The following PHACTR1 variants were observed in gnomAD, a reference collection of about 807,000 sequenced individuals.
PHACTR1 encodes phosphatase and actin regulator 1.
Under a neutral mutation model 69.2 loss-of-function variants are expected in PHACTR1, and 16 were observed. The ratio of observed to expected loss-of-function variants is 0.23; its 90% CI spans 0.16 to 0.35. The LOEUF (loss-of-function observed/expected upper bound fraction) is 0.35, where lower values mean the gene tolerates loss of function less well. PHACTR1 is among the 10% of genes least tolerant of loss of function. PHACTR1 has a pLI of 1.00. For synonymous variants in PHACTR1, 312 were observed against 284.5 expected (o/e 1.10, Z -0.97); for missense variants, 510 against 734.7 (o/e 0.69, Z 3.54).
At chr6:12,718,372 C>A (rs930149603) in intron 2 of PHACTR1, 4 of 153,072 alleles carry the variant, frequency 2.6e-5, no homozygotes, top group African/African-American at 7.2e-5. Context: ...TCAAATAGAC[C>A]TTTTGAAAAC....
intron 4 of PHACTR1, among the ~76,000 whole-genome samples, chr6:12,930,654 G>A (rs1788767385): frequency 6.6e-6 from 1 of 152,116 alleles, no homozygotes; most frequent in Admixed American, 6.6e-5. Context: ...AAGGCCAGTT[G>A]GCAAGTAATT....
intron 4 of PHACTR1, among the ~76,000 whole-genome samples, chr6:12,830,984 G>A (rs564311811): frequency 2.7e-4 from 41 of 152,248 alleles, no homozygotes; most frequent in East Asian, 9.7e-4. Context: ...GCGTAGTGGC[G>A]AAGTCTTGGC....
At position 13,143,237 on chromosome 6, in the gene PHACTR1, A is replaced by G. The variant is rs550975424; in HGVS notation, c.416-16967A>G. ...CATTTGCTAGCACAACAGGGTGACT[A>G]TAGTCAATAATAATTTAATCTTACA... is the stretch of plus-strand genomic sequence containing the variant. On this transcript the variant is annotated intron_variant, in intron 5 of 14. Transcript: ENST00000332995. Among the ~76,000 whole-genome samples the G allele has an allele frequency of 7.2e-5, 11 of 152,342 alleles. No homozygotes were observed. The East Asian group carries it at 1.7e-3, about 24-fold the overall frequency.
chr6:13,170,343 T>G (rs879133764), intron 6 of PHACTR1, among the ~76,000 whole-genome samples: 1 of 152,198 alleles, frequency 6.6e-6, no homozygotes, highest in Non-Finnish European at 1.5e-5. Context: ...AAATTCATAT[T>G]GGAATATCCA....
At chr6:13,123,478 G>T (rs1819057466) in intron 5 of PHACTR1, among the ~76,000 whole-genome samples, 2 of 152,132 alleles carry the variant, frequency 1.3e-5, no homozygotes, top group African/African-American at 4.8e-5. Flanking sequence ...GCTTATAATG[G>T]GTGTGTATAT....
chr6:12,790,161 T>C lies in PHACTR1; in HGVS notation c.250+40371T>C, dbSNP rs1212218562. Among the ~76,000 whole-genome samples the C allele has an allele frequency of 4.6e-5, 7 of 152,290 alleles. No individual in the cohort carries two copies. The South Asian group carries it at 1.5e-3, about 32-fold the overall frequency. On this transcript the variant is annotated intron_variant, in intron 4 of 14. Transcript: ENST00000332995. ...TGAAAGGCAGGTCATATCATTCCTC[T>C]GTGAAAAACCCCTTGGTCAATTCCT...
chr6:12,778,606 A>C (rs1770390804), intron 4 of PHACTR1, among the ~76,000 whole-genome samples: 1 of 152,256 alleles, frequency 6.6e-6, no homozygotes, highest in Non-Finnish European at 1.5e-5. Flanking sequence ...TAAAGGTATT[A>C]TAAATCAAAT....
intron 5 of PHACTR1, among the ~76,000 whole-genome samples, chr6:13,064,609 TATATCTATCTATC>T: frequency 2.3e-4 from 2 of 8,628 alleles, no homozygotes; most frequent in Admixed American, 1.1e-3. Flanking sequence ...TATATATCTA[TATATCTATCTATC>T]CACACTTGCC....
chr6:13,042,091 T>A (rs1804275389), intron 4 of PHACTR1, among the ~76,000 whole-genome samples: 2 of 152,242 alleles, frequency 1.3e-5, no homozygotes, highest in Admixed American at 1.3e-4. Context: ...AAAAGGTTTA[T>A]TGTAGACCTT....
intron 4 of PHACTR1, among the ~76,000 whole-genome samples, chr6:12,756,578 TTG>T (rs1483403589): frequency 6.6e-6 from 1 of 152,230 alleles, no homozygotes; most frequent in Non-Finnish European, 1.5e-5. Context: ...ACACTAGTAG[TTG>T]TTTAACATTT....
chr6:12,957,509 G>C, intron 4 of PHACTR1: 1 of 985,458 alleles, frequency 1.0e-6, no homozygotes, highest in Non-Finnish European at 1.2e-6. Context: ...CCTTGGAGAC[G>C]CCAGCTGGGC....
Position 13,283,699 on chromosome 6 carries a change from A to G in PHACTR1, c.1650+137A>G, listed in dbSNP as rs1473390597. Reference sequence around the variant, plus strand: ...CCCCATAATGGAGTGTTGAGACCCCAACACCTTTCCCCAGGGGCCACAGAT... The same window carrying G: ...CCCCATAATGGAGTGTTGAGACCCCGACACCTTTCCCCAGGGGCCACAGAT... On this transcript the variant is annotated intron_variant, in intron 13 of 14. Coordinates refer to ENST00000332995, the MANE Select transcript of PHACTR1 (RefSeq NM_030948.6). The surrounding 1 kb of genome is among the most constrained non-coding windows in gnomAD (Gnocchi z 4.7). 3.1e-6 allele frequency: 4 copies of G among 1,280,982 alleles called. No homozygotes were observed. In the Admixed American group the frequency reaches 7.7e-5, roughly 25 times the overall value. The allele number at this position is 1,280,982 out of a possible 1,614,324, so 79.4% of individuals were successfully genotyped here. A position where few individuals can be genotyped will look rare whatever the true frequency, so the allele number is the denominator to read the frequency against.
intron 4 of PHACTR1, among the ~76,000 whole-genome samples, chr6:12,803,985 G>A (rs907160331): frequency 1.3e-4 from 20 of 152,120 alleles, no homozygotes; most frequent in Non-Finnish European, 2.9e-4. Flanking sequence ...ATTGGTCCTC[G>A]GCAAAGGGCT....
chr6:13,268,030 G>A (rs1777052878), intron 10 of PHACTR1, among the ~76,000 whole-genome samples: 1 of 152,130 alleles, frequency 6.6e-6, no homozygotes, highest in Non-Finnish European at 1.5e-5. Flanking sequence ...ACTCTGGGAG[G>A]CCGAGGTGGG....
chr6:12,964,910 C>G (rs769011526), intron 4 of PHACTR1, among the ~76,000 whole-genome samples: 4 of 152,090 alleles, frequency 2.6e-5, no homozygotes, highest in Non-Finnish European at 4.4e-5. Flanking sequence ...ACAGTCTTTC[C>G]TTGATATCCA....
At chr6:12,896,568 G>A (rs1784689299) in intron 4 of PHACTR1, among the ~76,000 whole-genome samples, 1 of 152,184 alleles carries the variant, frequency 6.6e-6, no homozygotes, top group African/African-American at 2.4e-5. Flanking sequence ...GCCAGACAGT[G>A]CCATGGGACA....
chr6:13,081,925 C>A (rs531441513), intron 5 of PHACTR1, among the ~76,000 whole-genome samples: 1 of 152,308 alleles, frequency 6.6e-6, no homozygotes, highest in African/African-American at 2.4e-5. Flanking sequence ...AATACTAGAA[C>A]AAGTGGTGTC....
At chr6:13,164,963 A>G (rs80349800) in intron 6 of PHACTR1, among the ~76,000 whole-genome samples, 1 of 128,676 alleles carries the variant, frequency 7.8e-6, no homozygotes, top group Non-Finnish European at 1.7e-5. Context: ...TTTTTTTTTT[A>G]TTATTGGCTT....
At chr6:12,900,260 T>C (rs1006950186) in intron 4 of PHACTR1, among the ~76,000 whole-genome samples, 4 of 152,204 alleles carry the variant, frequency 2.6e-5, no homozygotes, top group African/African-American at 9.6e-5. Flanking sequence ...CTGTTGTTTT[T>C]AAACAACTTC....
Sources: allele counts gnomAD v4.1 joint callset (sites outside exome capture counted in the v4.1 genomes callset), GRCh38; gene constraint gnomAD v4.1.1; non-coding constraint Gnocchi (gnomAD v3.1); transcripts MANE v1.5; gene names NCBI Gene and HGNC (gene_info 2026-07-23, HGNC 2026-07-21).